BRINP1: variants seen among roughly 807,000 people sequenced by gnomAD.
BRINP1 encodes BMP/retinoic acid inducible neural specific 1, also known as BMP/retinoic acid-inducible neural-specific protein 1.
In BRINP1, 17 loss-of-function variants were observed where a neutral mutation model predicts 72.9. The ratio of observed to expected loss-of-function variants is 0.23; its 90% CI spans 0.16 to 0.35. BRINP1 has a LOEUF of 0.35. Among genes scored for constraint, BRINP1 ranks in the 10% least tolerant of loss-of-function variants. BRINP1 has a pLI of 1.00. For missense variants in BRINP1, 850 were observed against 1,001.6 expected (o/e 0.85, Z 2.04); for synonymous variants, 418 against 378.5 (o/e 1.10, Z -1.21).
chr9:119,342,433 C>T (rs1420898986), intron 1 of BRINP1, among the ~76,000 whole-genome samples: 1 of 152,106 alleles, frequency 6.6e-6, no homozygotes, highest in African/African-American at 2.4e-5. Context: ...GAAACAGAGA[C>T]ACAAAGAAGG....
At chr9:119,251,215 C>T (rs1830383856) in intron 2 of BRINP1, among the ~76,000 whole-genome samples, 2 of 152,164 alleles carry the variant, frequency 1.3e-5, no homozygotes, top group African/African-American at 2.4e-5. Context: ...CCCTTCAAGA[C>T]ACCTACTAAG....
intron 1 of BRINP1, among the ~76,000 whole-genome samples, chr9:119,350,496 A>T (rs1304685867): frequency 6.6e-6 from 1 of 152,166 alleles, no homozygotes; most frequent in Non-Finnish European, 1.5e-5. Flanking sequence ...GGTCCCTAAG[A>T]TCAGCCACAT....
chr9:119,233,643 C>T (rs1056389932), intron 5 of BRINP1, among the ~76,000 whole-genome samples: 22 of 152,134 alleles, frequency 1.4e-4, no homozygotes, highest in Non-Finnish European at 2.9e-4. Flanking sequence ...TAAATAGATA[C>T]GTATTGTATA....
At chr9:119,243,699 TG>T (rs1276256570) in intron 3 of BRINP1, among the ~76,000 whole-genome samples, 1 of 152,216 alleles carries the variant, frequency 6.6e-6, no homozygotes, top group Non-Finnish European at 1.5e-5. Flanking sequence ...TCAATTGATT[TG>T]TCCTTTTTTT....
chr9:119,276,924 A>G (rs1830662663), intron 2 of BRINP1, among the ~76,000 whole-genome samples: 1 of 152,146 alleles, frequency 6.6e-6, no homozygotes, highest in East Asian at 1.9e-4. Flanking sequence ...AGTATTAACC[A>G]CCATCAGAGT....
intron 1 of BRINP1, among the ~76,000 whole-genome samples, chr9:119,318,514 G>C (rs1421056719): frequency 6.6e-6 from 1 of 152,120 alleles, no homozygotes; most frequent in African/African-American, 2.4e-5. Flanking sequence ...AAAAGCTGTG[G>C]CCTGAGGTCT....
chr9:119,281,015 C>T (rs1830705691), intron 2 of BRINP1, among the ~76,000 whole-genome samples: 2 of 152,120 alleles, frequency 1.3e-5, no homozygotes, highest in Non-Finnish European at 2.9e-5. Context: ...TTCTCTGCAC[C>T]ACCCAGAGGT....
intron 1 of BRINP1, among the ~76,000 whole-genome samples, chr9:119,336,868 TC>T (rs1166711718): frequency 6.6e-6 from 1 of 151,918 alleles, no homozygotes; most frequent in Non-Finnish European, 1.5e-5. Context: ...AGAGGATAGC[TC>T]CCTTTTAGAT....
At chr9:119,172,831 G>A (rs144380468) in intron 7 of BRINP1, among the ~76,000 whole-genome samples, 4 of 151,918 alleles carry the variant, frequency 2.6e-5, no homozygotes, top group East Asian at 1.9e-4. Flanking sequence ...TTCAATATAC[G>A]CAAATCAATA....
chr9:119,180,338 T>C (rs2118837216), intron 7 of BRINP1, among the ~76,000 whole-genome samples: 1 of 152,340 alleles, frequency 6.6e-6, no homozygotes, highest in South Asian at 2.1e-4. Flanking sequence ...GACACTGTAA[T>C]GGGTGCCCAA....
At chr9:119,218,746 A>T (rs1250798685) in intron 5 of BRINP1, among the ~76,000 whole-genome samples, 2 of 133,356 alleles carry the variant, frequency 1.5e-5, no homozygotes, top group Non-Finnish European at 1.6e-5. Flanking sequence ...AAACTCAGGG[A>T]TTTTTTTTTT....
intron 5 of BRINP1, among the ~76,000 whole-genome samples, chr9:119,222,837 T>A (rs1242505049): frequency 6.6e-6 from 1 of 152,106 alleles, no homozygotes; most frequent in East Asian, 1.9e-4. Flanking sequence ...CATACTTTTT[T>A]TTTCAATTTC....
chr9:119,343,500 G>C (rs553152894), intron 1 of BRINP1, among the ~76,000 whole-genome samples: 2 of 152,208 alleles, frequency 1.3e-5, no homozygotes, highest in East Asian at 3.9e-4. Flanking sequence ...CAACGTGTTT[G>C]CTCCTCCTGC....
chr9:119,181,118 C>T (rs933024610), intron 7 of BRINP1, among the ~76,000 whole-genome samples: 9 of 152,138 alleles, frequency 5.9e-5, no homozygotes, highest in East Asian at 1.9e-4. Context: ...TGAAGGAAGG[C>T]GCCCGGAGCT....
chr9:119,244,070 C>T (rs1167068391), intron 3 of BRINP1, among the ~76,000 whole-genome samples: 1 of 152,170 alleles, frequency 6.6e-6, no homozygotes, highest in Admixed American at 6.5e-5. Flanking sequence ...TTCTGTTTTT[C>T]TCCCGGCTAA....
chr9:119,305,885 G>A (rs557673783), intron 2 of BRINP1, among the ~76,000 whole-genome samples: 6 of 152,186 alleles, frequency 3.9e-5, no homozygotes, highest in Non-Finnish European at 8.8e-5. Flanking sequence ...GGAGTTTAGA[G>A]ATCAGTAAAC....
chr9:119,300,793 T>C (rs552052150), intron 2 of BRINP1, among the ~76,000 whole-genome samples: 8 of 152,386 alleles, frequency 5.2e-5, no homozygotes, highest in South Asian at 4.1e-4. Flanking sequence ...CAAGACTTTA[T>C]AAAAGACTAT....
At chr9:119,278,423 C>T (rs1830676595) in intron 2 of BRINP1, among the ~76,000 whole-genome samples, 1 of 152,188 alleles carries the variant, frequency 6.6e-6, no homozygotes, top group Non-Finnish European at 1.5e-5. Flanking sequence ...TTTCTGGCCT[C>T]ATATAGAGCC....
At chr9:119,294,853 TAAAAA>T (rs59715609) in intron 2 of BRINP1, among the ~76,000 whole-genome samples, 1 of 128,030 alleles carries the variant, frequency 7.8e-6, no homozygotes, top group Non-Finnish European at 1.6e-5. Context: ...GACACTACGT[TAAAAA>T]AAAAAAAAAA....
Sources: gnomAD v4.1 joint callset for allele counts (sites outside exome capture counted in the v4.1 genomes callset) on GRCh38, gnomAD v4.1.1 for gene constraint, MANE v1.5 for transcripts, NCBI Gene and HGNC (gene_info 2026-07-23, HGNC 2026-07-21) for gene names.